Variants in PEX2 observed in about 807,000 individuals in gnomAD.
PEX2 encodes the protein peroxisomal biogenesis factor 2.
A neutral mutation model predicts 25.2 loss-of-function variants in PEX2; 19 were observed. That is an observed-to-expected ratio of 0.75 (90% CI 0.53 to 1.10). PEX2 has a LOEUF of 1.10. PEX2 is among the 50% of genes least tolerant of loss of function. The pLI, the probability that PEX2 is intolerant of heterozygous loss-of-function variation, is 0.00. For synonymous variants in PEX2, 141 were observed against 127.7 expected (o/e 1.10, Z -0.70); for missense variants, 347 against 350.6 (o/e 0.99, Z 0.08).
intron 3 of PEX2, 41 bp from the exon 4 acceptor site, chr8:76,984,236 C>T (rs10957830): frequency 1.3e-6 from 2 of 1,509,316 alleles, no homozygotes; most frequent in Non-Finnish European, 1.8e-6. Context: ...CAAAGAGTTG[C>T]AATCTTGTAC....
At position 76,982,803 on chromosome 8, in the gene PEX2, C is replaced by T. The variant is rs143201132; in HGVS notation, c.*458G>A. On this transcript the variant is annotated 3_prime_UTR_variant, in exon 4 of 4. Transcript: ENST00000357039. Reference sequence around the variant, plus strand: ...CAGCCTGGGTGACAGAGCAGGACACCGTCTCAGAAAAAAAAAAAAAAGTTA... The same window carrying T: ...CAGCCTGGGTGACAGAGCAGGACACTGTCTCAGAAAAAAAAAAAAAAGTTA... The T allele has an allele frequency of 0.021, 3,835 of 180,000 alleles. 50 individuals are homozygous for T. The highest frequency in any genetic ancestry group is 0.049 in the Middle Eastern group (18 of 370). 11.2% of individuals were successfully genotyped at this position (180,000 alleles called of 1,614,324 possible).
At chr8:76,994,644 C>T (rs578032035) in intron 1 of PEX2, among the ~76,000 whole-genome samples, 6 of 152,116 alleles carry the variant, frequency 3.9e-5, no homozygotes, top group African/African-American at 1.2e-4. Context: ...TCAGCAGAAA[C>T]GTGATTCTCA....
intron 1 of PEX2, among the ~76,000 whole-genome samples, chr8:76,993,172 G>T (rs1807222812): frequency 6.6e-6 from 1 of 152,142 alleles, no homozygotes; most frequent in Non-Finnish European, 1.5e-5. Context: ...ATTGTAAAAA[G>T]AACCTGTGTT....
At chr8:76,996,620 T>A (rs1807341558) in intron 1 of PEX2, among the ~76,000 whole-genome samples, 1 of 152,220 alleles carries the variant, frequency 6.6e-6, no homozygotes, top group African/African-American at 2.4e-5. Flanking sequence ...AGAATCTAAT[T>A]GCTTAAGAAT....
chr8:76,999,024 CTCTT>C (rs2132063827), intron 1 of PEX2, among the ~76,000 whole-genome samples: 1 of 148,828 alleles, frequency 6.7e-6, no homozygotes. Context: ...TCTTTCAAAT[CTCTT>C]TCTGGCTCAA....
chr8:76,989,007 T>TA (rs56178165), intron 1 of PEX2, among the ~76,000 whole-genome samples: 2,038 of 129,860 alleles, frequency 0.016, 61 homozygotes, highest in African/African-American at 0.045. Flanking sequence ...CTACAAAAAC[T>TA]AAAAAAAAAA....
chr8:76,987,971 A>C (rs535042245), intron 2 of PEX2: 6 of 152,344 alleles, frequency 3.9e-5, no homozygotes, highest in Admixed American at 2.0e-4. Context: ...ATCTGGGTAG[A>C]ATTTTAGAAG....
chr8:76,985,068 T>C (rs1305549535), intron 3 of PEX2, among the ~76,000 whole-genome samples: 1 of 151,974 alleles, frequency 6.6e-6, no homozygotes, highest in Non-Finnish European at 1.5e-5. Flanking sequence ...TATAAATATG[T>C]ATTATGTGCA....
chr8:76,983,447 G>A lies in PEX2; in HGVS notation c.732C>T (p.Cys244=), dbSNP rs142121434. ...TGGTGGGCCACTCTCCACATAGAGCGCATTCTTTGCCACTGGTGGCTAATG... is the reference window on the plus strand; with the variant it reads ...TGGTGGGCCACTCTCCACATAGAGCACATTCTTTGCCACTGGTGGCTAATG... ...DNTLATSGKE[C]ALCGEWPTMP... is the part of the protein sequence containing the mutation. The change falls in exon 4 of 4, where the codon TGC becomes TGT. Residue 244 remains cysteine (C), a synonymous_variant. Coordinates refer to ENST00000357039, the MANE Select transcript of PEX2 (RefSeq NM_000318.3). The A allele has an allele frequency of 3.7e-5, 60 of 1,614,050 alleles. No individual in the cohort carries two copies. Among genetic ancestry groups the A allele is most frequent in the Middle Eastern group, 3.3e-4 (2 of 6,056 alleles).
chr8:76,988,685 A>G (rs914457136), intron 1 of PEX2, among the ~76,000 whole-genome samples: 2 of 152,190 alleles, frequency 1.3e-5, no homozygotes, highest in African/African-American at 4.8e-5. Flanking sequence ...TCATCTCATG[A>G]AAGATTTCTC....
chr8:77,000,460 C>G (rs898244220), upstream of PEX2, among the ~76,000 whole-genome samples: 2 of 151,930 alleles, frequency 1.3e-5, no homozygotes, highest in African/African-American at 4.8e-5. Context: ...TGGCAGGCGC[C>G]GCCGGGTGGC....
At position 76,983,613 on chromosome 8, in the gene PEX2, T is replaced by C; in HGVS notation, c.566A>G (p.Glu189Gly). 1 of 1,614,096 alleles carries C rather than the reference T, an allele frequency of 6.2e-7. No individual in the cohort carries two copies. The highest frequency in any genetic ancestry group is 8.5e-7 in the Non-Finnish European group (1 of 1,179,950). ...KPQNICEVGF[E>G]YMNRELLWHG... is the part of the protein sequence containing the mutation. Reference sequence around the variant, plus strand: ...CCAGAGAAGTTCCCTATTCATGTATTCAAAGCCAACTTCACATATGTTTTG... The same window carrying C: ...CCAGAGAAGTTCCCTATTCATGTATCCAAAGCCAACTTCACATATGTTTTG... Residue 189 changes from glutamate (E) to glycine (G), a missense_variant, in exon 4 of 4, where the codon GAA becomes GGA. Transcript: ENST00000357039.
At chr8:76,985,067 G>A (rs533565396) in intron 3 of PEX2, among the ~76,000 whole-genome samples, 1 of 151,474 alleles carries the variant, frequency 6.6e-6, no homozygotes, top group Non-Finnish European at 1.5e-5. Context: ...TTATAAATAT[G>A]TATTATGTGC....
chr8:77,000,467 T>G (rs891923165), upstream of PEX2, among the ~76,000 whole-genome samples: 2 of 151,954 alleles, frequency 1.3e-5, no homozygotes, highest in South Asian at 4.2e-4. Context: ...CGCCGCCGGG[T>G]GGCGGCGAGA....
rs1429809851 is a variant in PEX2, at chr8:76,982,673, G to T, written c.*588C>A. 6.5e-6 allele frequency: 1 copy of T among 154,124 alleles called. No homozygotes were observed. Among genetic ancestry groups the T allele is most frequent in the Non-Finnish European group, 1.4e-5 (1 of 69,624 alleles). 9.5% of individuals were successfully genotyped at this position (154,124 alleles called of 1,614,324 possible). On this transcript the variant is annotated 3_prime_UTR_variant, in exon 4 of 4. Transcript: ENST00000357039. Reference sequence around the variant, plus strand: ...AAAATACAAAAATTACCCGGGCATGGTGGCATGCACCTGCAGTGCCAGCTA... The same window carrying T: ...AAAATACAAAAATTACCCGGGCATGTTGGCATGCACCTGCAGTGCCAGCTA...
chr8:76,989,904 G>A (rs963382547), intron 1 of PEX2, among the ~76,000 whole-genome samples: 1 of 152,192 alleles, frequency 6.6e-6, no homozygotes, highest in African/African-American at 2.4e-5. Flanking sequence ...CACAACAGGA[G>A]AGTCAGCCTG....
At chr8:76,998,957 A>ATT (rs35006173) in intron 1 of PEX2, among the ~76,000 whole-genome samples, 23 of 146,074 alleles carry the variant, frequency 1.6e-4, no homozygotes, top group East Asian at 7.9e-4. Context: ...TGTTACTTCT[A>ATT]TTTTTTTTTT....
intron 1 of PEX2, among the ~76,000 whole-genome samples, chr8:76,996,698 A>G (rs1163274945): frequency 1.3e-5 from 2 of 152,232 alleles, no homozygotes; most frequent in African/African-American, 2.4e-5. Context: ...GAGAACACGG[A>G]AATATCCCCA....
At chr8:76,987,864 A>C (rs1807051851) in intron 2 of PEX2, 1 of 152,222 alleles carries the variant, frequency 6.6e-6, no homozygotes, top group Non-Finnish European at 1.5e-5. Context: ...TTTGAACAGA[A>C]AGAAAATATA....
Sources: allele counts gnomAD v4.1 joint callset (sites outside exome capture counted in the v4.1 genomes callset), GRCh38; gene constraint gnomAD v4.1.1; transcripts MANE v1.5; gene names NCBI Gene and HGNC (gene_info 2026-07-23, HGNC 2026-07-21).